The following EPYC variants were observed in gnomAD, a reference collection of about 807,000 sequenced individuals.
EPYC encodes epiphycan, also known as dermatan sulfate proteoglycan 3.
In EPYC, 28 loss-of-function variants were observed where a neutral mutation model predicts 30.1. That is an observed-to-expected ratio of 0.93 (90% CI 0.69 to 1.28). The LOEUF (loss-of-function observed/expected upper bound fraction) is 1.28. Ranked by LOEUF, EPYC falls within the 50% of genes most tolerant of loss-of-function variation. EPYC has a pLI of 0.00. For missense variants in EPYC, 382 were observed against 383.5 expected, an observed-to-expected ratio of 1.00 and a Z score of 0.03; for synonymous variants, 144 against 141.4, an observed-to-expected ratio of 1.02 and a Z score of -0.13.
chr12:90,980,835 T>A (rs1198408320), intron 2 of EPYC, among the ~76,000 whole-genome samples: 3 of 152,184 alleles, frequency 2.0e-5, no homozygotes, highest in Non-Finnish European at 4.4e-5. Context: ...CTGACTTGCT[T>A]CTTCCTGAAT....
At chr12:90,965,055 T>A (rs929399458) in intron 6 of EPYC, among the ~76,000 whole-genome samples, 5 of 152,180 alleles carry the variant, frequency 3.3e-5, no homozygotes, top group African/African-American at 1.2e-4. Flanking sequence ...GCTAATCTAT[T>A]TTCTTTTTAT....
intron 6 of EPYC, among the ~76,000 whole-genome samples, 174 bp from the exon 7 acceptor site, chr12:90,964,500 G>A (rs1186757710): frequency 6.6e-6 from 1 of 152,118 alleles, no homozygotes; most frequent in Non-Finnish European, 1.5e-5. Flanking sequence ...TTAGGAAATA[G>A]ACATGCTCCT....
chr12:90,992,047 T>C (rs1877597517), intron 2 of EPYC, among the ~76,000 whole-genome samples: 1 of 152,180 alleles, frequency 6.6e-6, no homozygotes, highest in Admixed American at 6.5e-5. Flanking sequence ...CCAACCTTTC[T>C]GGCACGAGGG....
At chr12:90,982,785 C>A (rs1035924722) in intron 2 of EPYC, among the ~76,000 whole-genome samples, 1 of 152,090 alleles carries the variant, frequency 6.6e-6, no homozygotes, top group African/African-American at 2.4e-5. Context: ...TAATACTCTC[C>A]AAGTTCATCC....
chr12:90,964,480 T>G (rs560824232), intron 6 of EPYC, among the ~76,000 whole-genome samples, 154 bp from the exon 7 acceptor site: 10 of 152,218 alleles, frequency 6.6e-5, no homozygotes, highest in South Asian at 4.1e-4. Context: ...TTCTAAGCAA[T>G]GGGGGTAAAT....
intron 5 of EPYC, 50 bp from the exon 6 acceptor site, chr12:90,970,189 A>C: frequency 7.3e-5 from 96 of 1,316,068 alleles, no homozygotes; most frequent in Non-Finnish European, 9.6e-5. Context: ...ATAAAAACTC[A>C]ATAAGAAATA....
chr12:90,997,378 C>T (rs1297342920), intron 2 of EPYC, among the ~76,000 whole-genome samples: 1 of 151,936 alleles, frequency 6.6e-6, no homozygotes, highest in Non-Finnish European at 1.5e-5. Context: ...TGTTGACATC[C>T]TTCTATAGAG....
At chr12:90,976,386 A>T (rs1409186285) in intron 3 of EPYC, among the ~76,000 whole-genome samples, 1 of 152,166 alleles carries the variant, frequency 6.6e-6, no homozygotes, top group Non-Finnish European at 1.5e-5. Context: ...ACATGTATTC[A>T]TTTAATCCTG....
intron 1 of EPYC, 57 bp from the exon 2 acceptor site, chr12:91,002,635 G>T (rs1003897985): frequency 7.5e-7 from 1 of 1,325,788 alleles, no homozygotes; most frequent in East Asian, 2.6e-5. Flanking sequence ...TGAATAGTTT[G>T]CACTAAATAG....
chr12:90,973,835 C>T (rs1342323900), intron 3 of EPYC, among the ~76,000 whole-genome samples: 2 of 151,996 alleles, frequency 1.3e-5, no homozygotes, highest in Admixed American at 1.3e-4. Context: ...GCAGAGGTAT[C>T]ATACGATGCG....
intron 2 of EPYC, among the ~76,000 whole-genome samples, chr12:91,000,799 A>T (rs566052870): frequency 2.9e-4 from 6 of 20,922 alleles, no homozygotes; most frequent in Non-Finnish European, 3.8e-4. Context: ...ACTTTTTTTT[A>T]AAAAAATGTG....
intron 2 of EPYC, among the ~76,000 whole-genome samples, chr12:90,994,641 G>A (rs553043195): frequency 6.6e-6 from 1 of 152,082 alleles, no homozygotes; most frequent in Non-Finnish European, 1.5e-5. Context: ...TGCTCAAGCA[G>A]AGCCAAATTG....
chr12:90,969,092 T>C (rs1876970743), intron 6 of EPYC, among the ~76,000 whole-genome samples: 1 of 151,446 alleles, frequency 6.6e-6, no homozygotes, highest in South Asian at 2.1e-4. Context: ...AAAATATTTA[T>C]ATTAATAGGA....
intron 5 of EPYC, among the ~76,000 whole-genome samples, chr12:90,970,769 G>A (rs1877021496): frequency 6.6e-6 from 1 of 152,176 alleles, no homozygotes; most frequent in African/African-American, 2.4e-5. Context: ...ATCACTGGAG[G>A]CCTAGCAGAG....
intron 3 of EPYC, among the ~76,000 whole-genome samples, chr12:90,975,303 T>C (rs1877155363): frequency 6.6e-6 from 1 of 152,100 alleles, no homozygotes; most frequent in Non-Finnish European, 1.5e-5. Context: ...GGGTAATTTA[T>C]ATATATTCGC....
intron 2 of EPYC, among the ~76,000 whole-genome samples, chr12:91,001,254 T>C (rs2120874985): frequency 6.6e-6 from 1 of 152,240 alleles, no homozygotes; most frequent in Middle Eastern, 3.4e-3. Flanking sequence ...TTTAGTATCT[T>C]CTTAGTAAAG....
At position 90,976,642 on chromosome 12, in the gene EPYC, A is replaced by G. The variant is rs77589837; in HGVS notation, c.340+1446T>C. Reference sequence around the variant, plus strand: ...CTCCTCCCTCTCTTTTTGTCTCCCAATGTGTTCTGGACAGACTTTTCTCAT... The same window carrying G: ...CTCCTCCCTCTCTTTTTGTCTCCCAGTGTGTTCTGGACAGACTTTTCTCAT... On this transcript the variant is annotated intron_variant, in intron 3 of 6. Coordinates refer to ENST00000261172, the MANE Select transcript of EPYC (RefSeq NM_004950.5). Among the ~76,000 whole-genome samples the G allele has an allele frequency of 1.1e-4, 16 of 152,062 alleles. No individual in the cohort carries two copies. In the East Asian group the frequency reaches 1.7e-3, roughly 17 times the overall value.
chr12:90,967,225 A>G (rs1012056753), intron 6 of EPYC, among the ~76,000 whole-genome samples: 1 of 151,982 alleles, frequency 6.6e-6, no homozygotes, highest in African/African-American at 2.4e-5. Context: ...CTTTTTTAAT[A>G]TACGTATTTA....
chr12:90,977,121 T>G (rs992985541), intron 3 of EPYC, among the ~76,000 whole-genome samples: 1 of 152,138 alleles, frequency 6.6e-6, no homozygotes, highest in African/African-American at 2.4e-5. Context: ...GAACGGTAGT[T>G]ATTTGAAACT....
Sources: allele counts gnomAD v4.1 joint callset (sites outside exome capture counted in the v4.1 genomes callset), GRCh38; gene constraint gnomAD v4.1.1; transcripts MANE v1.5; gene names NCBI Gene and HGNC (gene_info 2026-07-23, HGNC 2026-07-21).